The following CHPF2 variants were observed in gnomAD, a reference collection of about 807,000 sequenced individuals.
CHPF2 encodes the protein chondroitin polymerizing factor 2.
CHPF2 carries 58 observed loss-of-function variants against 63.0 expected under a neutral mutation model. The ratio of observed to expected loss-of-function variants is 0.92; its 90% CI spans 0.75 to 1.15. The LOEUF (loss-of-function observed/expected upper bound fraction) is 1.15. Ranked by LOEUF, CHPF2 falls within the 50% of genes most tolerant of loss-of-function variation. CHPF2 has a pLI of 0.00. For synonymous variants in CHPF2, 442 were observed against 438.0 expected, an observed-to-expected ratio of 1.01 and a Z score of -0.11; for missense variants, 1,045 against 1,035.4, an observed-to-expected ratio of 1.01 and a Z score of -0.13.
rs777288333 is a variant in CHPF2, at chr7:151,235,397, CTG to C, written c.615_616del (p.Tyr206LeufsTer50). 3.1e-5 allele frequency: 50 copies of C among 1,613,414 alleles called. No individual in the cohort carries two copies. Among genetic ancestry groups the C allele is most frequent in the South Asian group, 1.9e-4 (17 of 91,094 alleles). ...TGGCCACCTCAGCATCAACCAAGACCTGTACTTAGGCCGGGCAGAGGAGTTCA... is the reference window on the plus strand; with the variant it reads ...TGGCCACCTCAGCATCAACCAAGACCTACTTAGGCCGGGCAGAGGAGTTCA... ...LAGHLSINQD[L>X]YLGRAEEFIG... On this transcript the variant is annotated frameshift_variant, in exon 2 of 4. Transcript: ENST00000035307. LOFTEE classifies it high-confidence loss of function.
chr7:151,237,640 G>C lies in CHPF2; in HGVS notation c.1278G>C (p.Lys426Asn). ...ATCAGCCCCGCCTGCGCTTCCAGAA[G>C]CAGCGACTGCTCAACGGCTATCGGC... ...RRYQPRLRFQ[K>N]QRLLNGYRRF... The change falls in exon 4 of 4, where the codon AAG becomes AAC. Residue 426 changes from lysine to asparagine, a missense_variant. Lys to Asn is a moderately conservative substitution (Grantham distance 94). Transcript: ENST00000035307. 6.2e-7 allele frequency: 1 copy of C among 1,613,414 alleles called. No homozygotes were observed. Among genetic ancestry groups the C allele is most frequent in the Non-Finnish European group, 8.5e-7 (1 of 1,179,950 alleles).
chr7:151,232,691 C>A lies in CHPF2; in HGVS notation c.-1321C>A. On this transcript the variant is annotated 5_prime_UTR_variant, in exon 1 of 4. Transcript: ENST00000035307. ...CCGTCCTTTATCCGGTGTCCGCCGG[C>A]CCCCGGCCCTGAAACCCGGGCCTCC... The A allele has an allele frequency of 7.0e-7, 1 of 1,427,832 alleles. No homozygotes were observed. The highest frequency in any genetic ancestry group is 1.5e-5 in the African/African-American group (1 of 67,368). The allele number at this position is 1,427,832 out of a possible 1,614,324, so 88.4% of individuals were successfully genotyped here.
rs753982074 is a variant in CHPF2, at chr7:151,237,883, C to T, written c.1521C>T (p.Leu507=). 53 of 1,612,628 alleles carry T rather than the reference C, an allele frequency of 3.3e-5. No homozygotes were observed. The highest frequency in any genetic ancestry group is 2.7e-4 in the South Asian group (25 of 91,088). Residue 507 remains leucine, a synonymous_variant, in exon 4 of 4, where the codon CTC becomes CTT. Coordinates refer to ENST00000035307, the MANE Select transcript of CHPF2 (RefSeq NM_019015.3). ...AAGCTGCTGCAGCCCCGGCTTTCCT[C>T]GAGGCCTTTGCAGCCAATGTCCTGG... The part of the protein sequence containing the change: ...VAEAAAAPAF[L]EAFAANVLEP...
At position 151,235,195 on chromosome 7, in the gene CHPF2, G is replaced by C. The variant is rs138713789; in HGVS notation, c.411G>C (p.Gln137His). ...CTCGGTTACTCTACTTCACTGGGCA[G>C]CGGGGGGCCCGGGCTCCAGCAGGGA... ...HFPRLLYFTG[Q>H]RGARAPAGMQ... The change falls in exon 2 of 4, where the codon CAG becomes CAC. Residue 137 changes from glutamine to histidine, a missense_variant. Gln to His is a conservative substitution (Grantham distance 24). Coordinates refer to ENST00000035307, the MANE Select transcript of CHPF2 (RefSeq NM_019015.3). 5 of 1,613,208 alleles carry C rather than the reference G, an allele frequency of 3.1e-6. No homozygotes were observed. The highest frequency in any genetic ancestry group is 4.2e-6 in the Non-Finnish European group (5 of 1,179,636).
At position 151,233,897 on chromosome 7, in the gene CHPF2, A is replaced by G; in HGVS notation, c.-115A>G. The stretch of plus-strand genomic sequence containing the variant: ...CGGGCCTCGCTCTGTCTTTGGCCTC[A>G]TTGACCCCAGGTTCTCTGGTTAAAA... On this transcript the variant is annotated 5_prime_UTR_variant, in exon 1 of 4. Coordinates refer to ENST00000035307, the MANE Select transcript of CHPF2 (RefSeq NM_019015.3). 2 of 1,361,706 alleles carry G rather than the reference A, an allele frequency of 1.5e-6. No individual in the cohort carries two copies. The highest frequency in any genetic ancestry group is 1.9e-6 in the Non-Finnish European group (2 of 1,059,546). 84.4% of individuals were successfully genotyped at this position (1,361,706 alleles called of 1,614,324 possible). A position where few individuals can be genotyped will look rare whatever the true frequency, so the allele number is the denominator to read the frequency against.
intron 1 of CHPF2, 24 bp from the exon 2 acceptor site, chr7:151,235,024 T>C (rs2150582337): frequency 6.6e-7 from 1 of 1,517,302 alleles, no homozygotes; most frequent in Non-Finnish European, 8.9e-7. Context: ...GGAGTTGACC[T>C]CTGGCACACT....
At position 151,237,799 on chromosome 7, in the gene CHPF2, T is replaced by C; in HGVS notation, c.1437T>C (p.Pro479=). The change falls in exon 4 of 4, where the codon CCT becomes CCC. Residue 479 remains proline, a synonymous_variant. Coordinates refer to ENST00000035307, the MANE Select transcript of CHPF2 (RefSeq NM_019015.3). The part of the protein sequence containing the change: ...LRPLSRVEIL[P]MPYVTEATRV... ...CACTGAGCCGGGTGGAAATCCTACC[T>C]ATGCCCTATGTCACTGAGGCCACCC... 1.9e-6 allele frequency: 3 copies of C among 1,612,668 alleles called. No homozygotes were observed. Among genetic ancestry groups the C allele is most frequent in the Non-Finnish European group, 2.5e-6 (3 of 1,179,998 alleles).
Position 151,233,189 on chromosome 7 carries a change from A to G in CHPF2, c.-823A>G. On this transcript the variant is annotated 5_prime_UTR_variant, in exon 1 of 4. Transcript: ENST00000035307. ...CCGAATCGCTCGCACACAGAGTTCC[A>G]GTCCCCGCCTGCTGTCTCCTCAGCA... 2 of 1,033,446 alleles carry G rather than the reference A, an allele frequency of 1.9e-6. No individual in the cohort carries two copies. Among genetic ancestry groups the G allele is most frequent in the Non-Finnish European group, 2.3e-6 (2 of 861,438 alleles). 64.0% of individuals were successfully genotyped at this position (1,033,446 alleles called of 1,614,324 possible).
chr7:151,236,726 A>T, intron 3 of CHPF2, 136 bp downstream of exon 3: 1 of 809,248 alleles, frequency 1.2e-6, no homozygotes, highest in Non-Finnish European at 1.9e-6. Context: ...GGGCAGGAAG[A>T]GGCCGACCAT....
In CHPF2 at chr7:151,238,529, G is replaced by C. The variant is rs1802774842; in HGVS notation, c.2167G>C (p.Gly723Arg). 1 of 1,609,614 alleles carries C rather than the reference G, an allele frequency of 6.2e-7. No individual in the cohort carries two copies. Among genetic ancestry groups the C allele is most frequent in the Admixed American group, 1.7e-5 (1 of 59,694 alleles). Residue 723 changes from glycine (G) to arginine (R), a missense_variant, in exon 4 of 4, where the codon GGG (glycine) becomes CGG (arginine). Physicochemically the swap from Gly to Arg is moderately radical, Grantham distance 125. Transcript: ENST00000035307. ...GLHLFRAVEP[G>R]LVQKFSLRDC... ...CCACCTCTTTCGGGCCGTAGAGCCA[G>C]GGCTGGTGCAGAAGTTCTCCCTGCG... is the stretch of plus-strand genomic sequence containing the variant.
chr7:151,236,617 G>A, intron 3 of CHPF2, 27 bp downstream of exon 3: 1 of 1,525,224 alleles, frequency 6.6e-7, no homozygotes. Flanking sequence ...CAGGTGGGCA[G>A]AGGACCGCAG....
Position 151,237,921 on chromosome 7 carries a change from A to G in CHPF2, c.1559A>G (p.His520Arg). Residue 520 changes from histidine to arginine, a missense_variant, in exon 4 of 4, where the codon CAT becomes CGT. By Grantham distance (29) the His-to-Arg change is conservative. Coordinates refer to ENST00000035307, the MANE Select transcript of CHPF2 (RefSeq NM_019015.3). Reference sequence around the variant, plus strand: ...GCCAATGTCCTGGAGCCACGAGAACATGCATTGCTCACCCTGTTGCTGGTC... The same window carrying G: ...GCCAATGTCCTGGAGCCACGAGAACGTGCATTGCTCACCCTGTTGCTGGTC... ...FAANVLEPRE[H>R]ALLTLLLVYG... is the part of the protein sequence containing the mutation. 1.2e-6 allele frequency: 2 copies of G among 1,612,914 alleles called. No individual in the cohort carries two copies. Among genetic ancestry groups the G allele is most frequent in the Non-Finnish European group, 1.7e-6 (2 of 1,179,944 alleles).
In CHPF2 at chr7:151,235,234, T is replaced by C; in HGVS notation, c.450T>C (p.Ser150=). 1 of 1,613,262 alleles carries C rather than the reference T, an allele frequency of 6.2e-7. No individual in the cohort carries two copies. The highest frequency in any genetic ancestry group is 8.5e-7 in the Non-Finnish European group (1 of 1,179,604). The part of the protein sequence containing the change: ...ARAPAGMQVV[S]HGDERPAWLM... ...CTCCAGCAGGGATGCAGGTGGTGTC[T>C]CATGGGGATGAGCGGCCCGCCTGGC... is the stretch of plus-strand genomic sequence containing the variant. Residue 150 remains serine (S), a synonymous_variant, in exon 2 of 4, where the codon TCT becomes TCC. Coordinates refer to ENST00000035307, the MANE Select transcript of CHPF2 (RefSeq NM_019015.3).
In CHPF2 at chr7:151,237,476, G is replaced by T. The variant is rs139379425; in HGVS notation, c.1114G>T (p.Val372Leu). Residue 372 changes from valine to leucine, a missense_variant, in exon 4 of 4, where the codon GTG (valine) becomes TTG (leucine). Val to Leu is a conservative substitution (Grantham distance 32, BLOSUM62 1). Coordinates refer to ENST00000035307, the MANE Select transcript of CHPF2 (RefSeq NM_019015.3). ...APFTPHSRFE[V>L]LGWDYFTEQH... ...TTTCACACCACACTCTCGCTTTGAG[G>T]TGCTGGGCTGGGACTACTTCACAGA... 222 of 1,613,878 alleles carry T rather than the reference G, an allele frequency of 1.4e-4. No homozygotes were observed. The highest frequency in any genetic ancestry group is 1.8e-4 in the Non-Finnish European group (215 of 1,180,014).
Position 151,235,505 on chromosome 7 carries a change from CCA to C in CHPF2, c.724_725del (p.His242SerfsTer14). ...ACGGAGTCTCCTGCTTCGTCTGCGG[CCA>C]CATCTGGATGGCTGCCGAGGAGACA... ...LSRSLLLRLR[P>X]HLDGCRGDIL... On this transcript the variant is annotated frameshift_variant, in exon 2 of 4. Coordinates refer to ENST00000035307, the MANE Select transcript of CHPF2 (RefSeq NM_019015.3). LOFTEE classifies it high-confidence loss of function. 1.9e-6 allele frequency: 3 copies of C among 1,611,476 alleles called. No homozygotes were observed. Among genetic ancestry groups the C allele is most frequent in the Non-Finnish European group, 2.5e-6 (3 of 1,180,018 alleles).
Position 151,233,874 on chromosome 7 carries a change from G to A in CHPF2, c.-138G>A. On this transcript the variant is annotated 5_prime_UTR_variant, in exon 1 of 4. Coordinates refer to ENST00000035307, the MANE Select transcript of CHPF2 (RefSeq NM_019015.3). ...GGGATGCTGGTCCTGGAAGCCAGCG[G>A]GCCTCGCTCTGTCTTTGGCCTCATT... 7.7e-7 allele frequency: 1 copy of A among 1,292,430 alleles called. No individual in the cohort carries two copies. Among genetic ancestry groups the A allele is most frequent in the Non-Finnish European group, 9.8e-7 (1 of 1,021,324 alleles). 80.1% of individuals were successfully genotyped at this position (1,292,430 alleles called of 1,614,324 possible). A position where few individuals can be genotyped will look rare whatever the true frequency, so the allele number is the denominator to read the frequency against.
chr7:151,234,312 C>A, intron 1 of CHPF2, 38 bp downstream of exon 1: 1 of 1,442,540 alleles, frequency 6.9e-7, no homozygotes, highest in Non-Finnish European at 9.2e-7. Context: ...CAGACACTGG[C>A]CCTGTTTTGG....
Position 151,238,343 on chromosome 7 carries a change from G to T in CHPF2, c.1981G>T (p.Gly661Trp), listed in dbSNP as rs1802759538. ...GADPSRGAPI[G>W]GRFDRQASAE... is the part of the protein sequence containing the mutation. ...TGACCCCTCCCGGGGGGCTCCTATA[G>T]GGGGGAGATTTGACCGGCAGGCTTC... The change falls in exon 4 of 4, where the codon GGG becomes TGG. Residue 661 changes from glycine (G) to tryptophan (W), a missense_variant. Gly to Trp is a radical substitution (Grantham distance 184). Transcript: ENST00000035307. 7 of 1,609,592 alleles carry T rather than the reference G, an allele frequency of 4.3e-6. No homozygotes were observed. The highest frequency in any genetic ancestry group is 5.9e-6 in the Non-Finnish European group (7 of 1,177,842).
intron 2 of CHPF2, 152 bp downstream of exon 2, chr7:151,235,764 T>C: frequency 1.3e-6 from 1 of 744,790 alleles, no homozygotes; most frequent in Non-Finnish European, 2.2e-6. Flanking sequence ...TTTGGCAATC[T>C]GAGAACCTGG....
Sources: gnomAD v4.1 joint callset for allele counts on GRCh38, gnomAD v4.1.1 for gene constraint, MANE v1.5 for transcripts, NCBI Gene and HGNC (gene_info 2026-07-23, HGNC 2026-07-21) for gene names.